CPNE4: variants seen among roughly 807,000 people sequenced by gnomAD.
CPNE4 encodes copine 4, also known as copine-4.
CPNE4 carries 25 observed loss-of-function variants against 67.9 expected under a neutral mutation model. That is an observed-to-expected ratio of 0.37 (90% CI 0.27 to 0.51). CPNE4 has a LOEUF of 0.51. CPNE4 is among the 20% of genes least tolerant of loss of function. The pLI, the probability that CPNE4 is intolerant of heterozygous loss-of-function variation, is 0.93. For synonymous variants in CPNE4, 242 were observed against 244.9 expected, an observed-to-expected ratio of 0.99 and a Z score of 0.11; for missense variants, 464 against 690.8, an observed-to-expected ratio of 0.67 and a Z score of 3.68.
chr3:131,897,242 T>A (rs1322684964), intron 2 of CPNE4, among the ~76,000 whole-genome samples: 1 of 152,098 alleles, frequency 6.6e-6, no homozygotes, highest in Non-Finnish European at 1.5e-5. Flanking sequence ...TGAGTTCAAA[T>A]CCTAATCCCA....
chr3:131,737,187 G>A (rs946370493), intron 2 of CPNE4, among the ~76,000 whole-genome samples: 28 of 130,814 alleles, frequency 2.1e-4, no homozygotes, highest in Non-Finnish European at 2.5e-4. Context: ...GCAGTGGCAC[G>A]ATCTCAGCTC....
chr3:131,816,075 A>C (rs1443244433), intron 2 of CPNE4, among the ~76,000 whole-genome samples: 1 of 152,204 alleles, frequency 6.6e-6, no homozygotes, highest in Non-Finnish European at 1.5e-5. Context: ...TAGAGGCAAG[A>C]TGGAGTCAGC....
At chr3:131,607,142 G>A (rs192069816) in intron 7 of CPNE4, among the ~76,000 whole-genome samples, 4 of 151,690 alleles carry the variant, frequency 2.6e-5, no homozygotes, top group Non-Finnish European at 5.9e-5. Flanking sequence ...ACTTTTGGGT[G>A]GATCACTTTC....
intron 1 of CPNE4, among the ~76,000 whole-genome samples, chr3:131,927,818 A>G (rs1022576479): frequency 6.6e-6 from 1 of 152,180 alleles, no homozygotes; most frequent in Non-Finnish European, 1.5e-5. Context: ...GTAGCAGGAC[A>G]TAGAAGTAGC....
At chr3:131,941,195 A>ATAC in intron 1 of CPNE4, among the ~76,000 whole-genome samples, 1 of 152,112 alleles carries the variant, frequency 6.6e-6, no homozygotes, top group South Asian at 2.1e-4. Context: ...AAATACAACC[A>ATAC]TTAATAATAC....
chr3:131,909,970 G>A (rs1011403770), intron 1 of CPNE4, among the ~76,000 whole-genome samples: 3 of 152,170 alleles, frequency 2.0e-5, no homozygotes, highest in Admixed American at 6.5e-5. Context: ...GGGAAACAGA[G>A]GATTTGAAGC....
At chr3:131,809,400 G>C (rs1056989438) in intron 2 of CPNE4, among the ~76,000 whole-genome samples, 1 of 152,112 alleles carries the variant, frequency 6.6e-6, no homozygotes, top group South Asian at 2.1e-4. Flanking sequence ...TAGCCAGTGA[G>C]ATCTGTCAGA....
At chr3:132,003,502 A>G (rs775969187) in intron 1 of CPNE4, among the ~76,000 whole-genome samples, 1 of 151,970 alleles carries the variant, frequency 6.6e-6, no homozygotes, top group Non-Finnish European at 1.5e-5. Context: ...TTCAGAGAGC[A>G]GGTGTGTGAT....
chr3:131,806,294 T>C (rs866436216), intron 2 of CPNE4, among the ~76,000 whole-genome samples: 3 of 152,206 alleles, frequency 2.0e-5, no homozygotes, highest in Admixed American at 1.3e-4. Context: ...CTCATGCCTG[T>C]AATCCCAGCA....
intron 2 of CPNE4, among the ~76,000 whole-genome samples, chr3:131,801,415 CGTGT>C (rs796117335): frequency 7.3e-4 from 48 of 66,072 alleles, no homozygotes; most frequent in African/African-American, 1.9e-3. Context: ...TACATATATA[CGTGT>C]GTGTGTGTGT....
chr3:131,851,741 T>G (rs1449953036), intron 2 of CPNE4, among the ~76,000 whole-genome samples: 3 of 152,090 alleles, frequency 2.0e-5, no homozygotes, highest in East Asian at 1.9e-4. Context: ...TGAAGAGACC[T>G]GGTTTCTATT....
intron 2 of CPNE4, among the ~76,000 whole-genome samples, chr3:131,879,715 GCC>G (rs2087598358): frequency 6.6e-6 from 1 of 152,118 alleles, no homozygotes; most frequent in Admixed American, 6.5e-5. Flanking sequence ...CAGAGCTCTA[GCC>G]AAGAAGATGA....
chr3:131,856,296 T>A (rs867917778), intron 2 of CPNE4, among the ~76,000 whole-genome samples: 9 of 151,984 alleles, frequency 5.9e-5, no homozygotes, highest in Middle Eastern at 3.4e-3. Flanking sequence ...TACATAGTCA[T>A]CTCTTGAACT....
intron 2 of CPNE4, among the ~76,000 whole-genome samples, chr3:131,796,631 C>T (rs924270185): frequency 3.9e-5 from 6 of 152,208 alleles, no homozygotes; most frequent in Non-Finnish European, 5.9e-5. Context: ...TCCCCCTTCC[C>T]CTGGAGCCTC....
intron 5 of CPNE4, among the ~76,000 whole-genome samples, chr3:131,694,372 AATTAT>A (rs1478944563): frequency 1.3e-5 from 2 of 152,292 alleles, no homozygotes; most frequent in African/African-American, 2.4e-5. Context: ...GACATGAAAT[AATTAT>A]ATTATTTTAT....
At chr3:131,597,167 A>G (rs68031585) in intron 7 of CPNE4, among the ~76,000 whole-genome samples, 12,744 of 152,188 alleles carry the variant, frequency 0.084, 1,038 homozygotes, top group African/African-American at 0.22. Flanking sequence ...AACTAAGAAC[A>G]GAGGGGTTAA....
In CPNE4 at chr3:131,724,709, G is replaced by A. The variant is rs572578628; in HGVS notation, c.181-1084C>T. Among the ~76,000 whole-genome samples the A allele has an allele frequency of 3.9e-5, 6 of 152,176 alleles. No individual in the cohort carries two copies. The South Asian group carries it at 1.0e-3, about 26-fold the overall frequency. ...CTCTCTCTTGTCCCTTCACATTGAGGGGTAGTAATGGCTTCCTGTTGTTGC... is the reference window on the plus strand; with the variant it reads ...CTCTCTCTTGTCCCTTCACATTGAGAGGTAGTAATGGCTTCCTGTTGTTGC... On this transcript the variant is annotated intron_variant, in intron 2 of 15. Coordinates refer to ENST00000429747, the MANE Select transcript of CPNE4 (RefSeq NM_130808.3).
intron 10 of CPNE4, among the ~76,000 whole-genome samples, chr3:131,566,480 C>T (rs1268133805): frequency 6.6e-6 from 1 of 150,626 alleles, no homozygotes; most frequent in Non-Finnish European, 1.5e-5. Context: ...TAATCAAGGA[C>T]TACGATGAAA....
At chr3:131,571,119 T>C (rs186169833) in intron 10 of CPNE4, among the ~76,000 whole-genome samples, 2 of 152,178 alleles carry the variant, frequency 1.3e-5, no homozygotes, top group East Asian at 3.9e-4. Context: ...ACTCATCATG[T>C]TGTTCTTCAC....
Sources: gnomAD v4.1 joint callset for allele counts (sites outside exome capture counted in the v4.1 genomes callset) on GRCh38, gnomAD v4.1.1 for gene constraint, MANE v1.5 for transcripts, NCBI Gene and HGNC (gene_info 2026-07-23, HGNC 2026-07-21) for gene names.